FA2H: variants seen among roughly 807,000 people sequenced by gnomAD.
FA2H encodes the protein fatty acid alpha-hydroxylase.
A neutral mutation model predicts 44.9 loss-of-function variants in FA2H; 22 were observed. That is an observed-to-expected ratio of 0.49 (90% CI 0.35 to 0.70). FA2H has a LOEUF of 0.70. FA2H is among the 30% of genes least tolerant of loss of function. FA2H has a pLI of 0.01. For missense variants in FA2H, 501 were observed against 504.9 expected (o/e 0.99, Z 0.07); for synonymous variants, 243 against 213.2 (o/e 1.14, Z -1.22).
Position 74,740,101 on chromosome 16 carries a change from G to C in FA2H, c.285C>G (p.Asn95Lys). 1 of 1,612,874 alleles carries C rather than the reference G, an allele frequency of 6.2e-7. No homozygotes were observed. The highest frequency in any genetic ancestry group is 8.5e-7 in the Non-Finnish European group (1 of 1,178,942). The change falls in exon 2 of 7, where the codon AAC (asparagine) becomes AAG (lysine). Residue 95 changes from asparagine (N) to lysine (K), a missense_variant. Physicochemically the swap from Asn to Lys is moderately conservative, Grantham distance 94. Coordinates refer to ENST00000219368, the MANE Select transcript of FA2H (RefSeq NM_024306.5). ...GAGTTTCCTCAAGGGCTACAGGCTCGTTCTCCATGGAGCCCTGGAAGGAGA... is the reference window on the plus strand; with the variant it reads ...GAGTTTCCTCAAGGGCTACAGGCTCCTTCTCCATGGAGCCCTGGAAGGAGA... ...LRGEQQGSME[N>K]EPVALEETQK...
intron 1 of FA2H, among the ~76,000 whole-genome samples, chr16:74,741,428 G>GTGTCTCAGCATATTTAGTCTGTA (rs1962292539): frequency 6.6e-6 from 1 of 152,162 alleles, no homozygotes. Flanking sequence ...CTTAGTCTGT[G>GTGTCTCAGCATATTTAGTCTGTA]TGTCTCAGCA....
chr16:74,742,694 G>A (rs372645481), intron 1 of FA2H, among the ~76,000 whole-genome samples: 1 of 152,172 alleles, frequency 6.6e-6, no homozygotes, highest in East Asian at 1.9e-4. Context: ...AAAAAGCCAG[G>A]TGTGGTGGTA....
intron 1 of FA2H, among the ~76,000 whole-genome samples, chr16:74,744,146 C>T (rs1962369337): frequency 1.3e-5 from 2 of 152,148 alleles, no homozygotes; most frequent in African/African-American, 2.4e-5. Flanking sequence ...CCACGTTTTC[C>T]AGACTCCCGC....
intron 2 of FA2H, among the ~76,000 whole-genome samples, chr16:74,732,348 C>T (rs992438119): frequency 1.3e-5 from 2 of 152,194 alleles, no homozygotes; most frequent in African/African-American, 4.8e-5. Flanking sequence ...CTCAGCCTAG[C>T]AGTGGTTTGG....
chr16:74,768,142 G>A (rs1030753778), intron 1 of FA2H, among the ~76,000 whole-genome samples: 2 of 152,236 alleles, frequency 1.3e-5, no homozygotes, highest in African/African-American at 4.8e-5. Flanking sequence ...TGTTGCCGAA[G>A]CATCAGTCTG....
chr16:74,728,302 A>G (rs1961998959), intron 2 of FA2H, among the ~76,000 whole-genome samples: 2 of 152,210 alleles, frequency 1.3e-5, no homozygotes, highest in Admixed American at 6.5e-5. Flanking sequence ...TAAGTGCTCA[A>G]TGAGATGTGG....
chr16:74,722,445 G>A (rs917628420), intron 4 of FA2H, among the ~76,000 whole-genome samples: 4 of 151,898 alleles, frequency 2.6e-5, no homozygotes, highest in African/African-American at 9.7e-5. Context: ...CTGAGGCAGG[G>A]GGATCACTTG....
Position 74,718,990 on chromosome 16 carries a change from T to C in FA2H, c.784A>G (p.Lys262Glu), listed in dbSNP as rs780906296. 2 of 1,613,572 alleles carry C rather than the reference T, an allele frequency of 1.2e-6. No individual in the cohort carries two copies. Among genetic ancestry groups the C allele is most frequent in the Admixed American group, 3.3e-5 (2 of 60,024 alleles). Residue 262 changes from lysine (K) to glutamate (E), a missense_variant and splice_region_variant, in exon 5 of 7, where the codon AAG (lysine) becomes GAG (glutamate). Transcript: ENST00000219368. ...LHFVMHGQHH[K>E]APFDGSRLVF... Reference sequence around the variant, plus strand: ...GGCTGGGACCCCGCCCCGCTCACCTTGTGGTGCTGGCCGTGCATGACGAAG... The same window carrying C: ...GGCTGGGACCCCGCCCCGCTCACCTCGTGGTGCTGGCCGTGCATGACGAAG...
chr16:74,760,440 C>A (rs534903502), intron 1 of FA2H, among the ~76,000 whole-genome samples: 78 of 152,280 alleles, frequency 5.1e-4, no homozygotes, highest in African/African-American at 1.7e-3. Context: ...GCAGGTAAAG[C>A]TTTTCAAGCC....
chr16:74,724,487 G>A (rs1961908277), intron 4 of FA2H, among the ~76,000 whole-genome samples: 1 of 152,266 alleles, frequency 6.6e-6, no homozygotes, highest in East Asian at 1.9e-4. Context: ...AGCTTCCACT[G>A]CTTCTTGGCA....
intron 1 of FA2H, among the ~76,000 whole-genome samples, chr16:74,766,988 G>C (rs1962820963): frequency 6.6e-6 from 1 of 151,956 alleles, no homozygotes; most frequent in Admixed American, 6.6e-5. Context: ...GATCTGGGTG[G>C]TGGCAACAGA....
intron 2 of FA2H, among the ~76,000 whole-genome samples, chr16:74,729,172 G>T (rs1020258552): frequency 4.6e-5 from 7 of 152,168 alleles, no homozygotes; most frequent in Admixed American, 2.6e-4. Context: ...CACCTCGCCC[G>T]CTAATTTTTT....
chr16:74,764,449 T>C (rs1483796986), intron 1 of FA2H, among the ~76,000 whole-genome samples: 1 of 152,180 alleles, frequency 6.6e-6, no homozygotes. Context: ...GCCATTATCC[T>C]TAGCAAACTA....
intron 5 of FA2H, 64 bp downstream of exon 5, chr16:74,718,924 G>T: frequency 6.3e-7 from 1 of 1,584,192 alleles, no homozygotes; most frequent in Non-Finnish European, 8.6e-7. Context: ...TGAAGCTGCG[G>T]CTGGCTGCCG....
chr16:74,771,789 C>G (rs764121986), intron 1 of FA2H, among the ~76,000 whole-genome samples: 26 of 152,234 alleles, frequency 1.7e-4, no homozygotes, highest in Non-Finnish European at 3.4e-4. Context: ...CCCCTTCCCC[C>G]CATGGTCACA....
In FA2H at chr16:74,736,499, G is replaced by A. The variant is rs543367821; in HGVS notation, c.363+3524C>T. 6.6e-5 allele frequency among the ~76,000 whole-genome samples: 10 copies of A among 152,238 alleles called. No homozygotes were observed. The South Asian group carries it at 2.1e-3, about 32-fold the overall frequency. ...AGTGACTGATCTGGGGGTCCTAAATGGGCAAAACACTATGGCCAACTTCAA... is the reference window on the plus strand; with the variant it reads ...AGTGACTGATCTGGGGGTCCTAAATAGGCAAAACACTATGGCCAACTTCAA... On this transcript the variant is annotated intron_variant, in intron 2 of 6. Transcript: ENST00000219368.
At chr16:74,725,050 A>G (rs566219589) in intron 4 of FA2H, among the ~76,000 whole-genome samples, 1 of 152,314 alleles carries the variant, frequency 6.6e-6, no homozygotes, top group South Asian at 2.1e-4. Flanking sequence ...CCTTCTGAGC[A>G]ACAAGCTCCG....
intron 2 of FA2H, among the ~76,000 whole-genome samples, chr16:74,738,402 C>T (rs1962222091): frequency 6.6e-6 from 1 of 152,122 alleles, no homozygotes; most frequent in Non-Finnish European, 1.5e-5. Flanking sequence ...AGTGATGGGG[C>T]CGGGGTCAGC....
intron 4 of FA2H, among the ~76,000 whole-genome samples, chr16:74,722,354 A>G (rs1961859040): frequency 6.6e-6 from 1 of 151,538 alleles, no homozygotes; most frequent in South Asian, 2.1e-4. Flanking sequence ...TGGGCAACAC[A>G]GTGAGACCCC....
Sources: allele counts gnomAD v4.1 joint callset (sites outside exome capture counted in the v4.1 genomes callset), GRCh38; gene constraint gnomAD v4.1.1; transcripts MANE v1.5; gene names NCBI Gene and HGNC (gene_info 2026-07-23, HGNC 2026-07-21).